The following CACNG2 variants were observed in gnomAD, a reference collection of about 807,000 sequenced individuals.
The protein encoded by CACNG2 is voltage-dependent calcium channel gamma-2 subunit.
Under a neutral mutation model 25.9 loss-of-function variants are expected in CACNG2, and 3 were observed. That is an observed-to-expected ratio of 0.12 (90% CI 0.05 to 0.30). CACNG2 has a LOEUF of 0.30. CACNG2 is among the 10% of genes least tolerant of loss of function. CACNG2 has a pLI of 1.00. For missense variants in CACNG2, 341 were observed against 432.5 expected (o/e 0.79, Z 1.88); for synonymous variants, 167 against 173.3 (o/e 0.96, Z 0.29).
chr22:36,586,953 C>A (rs1935515461), intron 2 of CACNG2, among the ~76,000 whole-genome samples: 1 of 148,376 alleles, frequency 6.7e-6, no homozygotes, highest in African/African-American at 2.6e-5. Flanking sequence ...GAAAAAATCT[C>A]TCTCTTTTTT....
In CACNG2 at chr22:36,703,053, G is replaced by T. The variant is rs1372332482; in HGVS notation, c.-477C>A. On this transcript the variant is annotated 5_prime_UTR_variant, in exon 1 of 4. Coordinates refer to ENST00000300105, the MANE Select transcript of CACNG2 (RefSeq NM_006078.5). The stretch of plus-strand genomic sequence containing the variant: ...GACAGTTAGAGACTGTGAGAGCCGA[G>T]ATGCAACCTTCGGTCTTCGTTCTCG... The T allele has an allele frequency of 6.3e-6, 1 of 157,654 alleles. No individual in the cohort carries two copies. The highest frequency in any genetic ancestry group is 2.4e-5 in the African/African-American group (1 of 41,460). 9.8% of individuals were successfully genotyped at this position (157,654 alleles called of 1,614,324 possible).
At chr22:36,692,795 G>T in intron 1 of CACNG2, among the ~76,000 whole-genome samples, 1 of 152,148 alleles carries the variant, frequency 6.6e-6, no homozygotes, top group South Asian at 2.1e-4. Flanking sequence ...GGGGCTTCCA[G>T]TCTTACAGGG....
intron 1 of CACNG2, among the ~76,000 whole-genome samples, chr22:36,610,636 G>A (rs1336071928): frequency 2.6e-5 from 4 of 152,192 alleles, no homozygotes; most frequent in Admixed American, 2.6e-4. Flanking sequence ...GACCCCCAAA[G>A]CCAGCCTGTC....
At chr22:36,587,860 G>A (rs1210245921) in intron 1 of CACNG2, among the ~76,000 whole-genome samples, 3 of 152,214 alleles carry the variant, frequency 2.0e-5, no homozygotes, top group Non-Finnish European at 4.4e-5. Flanking sequence ...GGACTGCCAC[G>A]CAGGAGGCCG....
At chr22:36,625,762 T>C (rs1936174820) in intron 1 of CACNG2, among the ~76,000 whole-genome samples, 1 of 152,228 alleles carries the variant, frequency 6.6e-6, no homozygotes, top group African/African-American at 2.4e-5. Context: ...TTTGACTGTA[T>C]GTGCTTTTCT....
At chr22:36,640,715 T>A (rs1405582696) in intron 1 of CACNG2, among the ~76,000 whole-genome samples, 1 of 152,226 alleles carries the variant, frequency 6.6e-6, no homozygotes, top group African/African-American at 2.4e-5. Flanking sequence ...TCCGCGCTTG[T>A]TCCTGTGCAG....
chr22:36,667,494 G>A (rs556971114), intron 1 of CACNG2, among the ~76,000 whole-genome samples: 3 of 152,260 alleles, frequency 2.0e-5, no homozygotes, highest in South Asian at 2.1e-4. Flanking sequence ...ACTTTGCACC[G>A]AACCTCAGTG....
chr22:36,565,099 C>A (rs1274211050), intron 3 of CACNG2, among the ~76,000 whole-genome samples: 2 of 152,162 alleles, frequency 1.3e-5, no homozygotes, highest in Non-Finnish European at 2.9e-5. Context: ...ACAAGGGAAG[C>A]GCTAATGGAA....
At chr22:36,599,575 C>A (rs1439006793) in intron 1 of CACNG2, among the ~76,000 whole-genome samples, 1 of 152,112 alleles carries the variant, frequency 6.6e-6, no homozygotes, top group Non-Finnish European at 1.5e-5. Flanking sequence ...TGGTGCACAC[C>A]TGTAGTCCCA....
At chr22:36,571,606 G>A (rs1469892566) in intron 2 of CACNG2, among the ~76,000 whole-genome samples, 1 of 152,014 alleles carries the variant, frequency 6.6e-6, no homozygotes, top group African/African-American at 2.4e-5. Flanking sequence ...GCTGGGCTCG[G>A]TGGCTCACAC....
intron 2 of CACNG2, among the ~76,000 whole-genome samples, chr22:36,580,400 A>C (rs1369463659): frequency 6.6e-6 from 1 of 151,994 alleles, no homozygotes; most frequent in Non-Finnish European, 1.5e-5. Flanking sequence ...GGAGGTGTCA[A>C]ATTTAAGCGC....
At chr22:36,622,873 C>T (rs1936126178) in intron 1 of CACNG2, among the ~76,000 whole-genome samples, 4 of 151,260 alleles carry the variant, frequency 2.6e-5, no homozygotes, top group Admixed American at 2.0e-4. Flanking sequence ...GCACGAGAAT[C>T]GCTTGAACCC....
At chr22:36,578,808 C>T (rs777062608) in intron 2 of CACNG2, among the ~76,000 whole-genome samples, 21 of 152,180 alleles carry the variant, frequency 1.4e-4, no homozygotes, top group Non-Finnish European at 2.9e-4. Context: ...GCAAACCTCT[C>T]CTGGGTCTGA....
intron 1 of CACNG2, among the ~76,000 whole-genome samples, chr22:36,641,799 A>T (rs1936445976): frequency 6.6e-6 from 1 of 152,206 alleles, no homozygotes; most frequent in Non-Finnish European, 1.5e-5. Context: ...TGTCAACTTG[A>T]GGGTTGCCGA....
At chr22:36,576,564 CTG>C (rs34970467) in intron 2 of CACNG2, among the ~76,000 whole-genome samples, 50,467 of 150,734 alleles carry the variant, frequency 0.33, 8,600 homozygotes, top group Non-Finnish European at 0.36. Flanking sequence ...CAAAATGCCT[CTG>C]TGTGTGCGTG....
chr22:36,607,050 A>G (rs145355142), intron 1 of CACNG2, among the ~76,000 whole-genome samples: 28 of 151,592 alleles, frequency 1.8e-4, no homozygotes, highest in African/African-American at 6.1e-4. Flanking sequence ...AGCAATGGGG[A>G]GCCACTGAGG....
At chr22:36,602,325 T>A (rs1237623860) in intron 1 of CACNG2, among the ~76,000 whole-genome samples, 2 of 152,042 alleles carry the variant, frequency 1.3e-5, no homozygotes, top group East Asian at 3.8e-4. Flanking sequence ...TGCCCTTTCA[T>A]TTTGTTGTTT....
At chr22:36,569,022 A>G (rs1935179371) in intron 2 of CACNG2, among the ~76,000 whole-genome samples, 1 of 151,882 alleles carries the variant, frequency 6.6e-6, no homozygotes, top group South Asian at 2.1e-4. Context: ...CCCTAACCTG[A>G]TCCCCCAGCC....
chr22:36,688,471 T>C (rs762711590), intron 1 of CACNG2, among the ~76,000 whole-genome samples: 20 of 150,424 alleles, frequency 1.3e-4, no homozygotes, highest in Non-Finnish European at 2.2e-4. Flanking sequence ...ACCCAACAGT[T>C]TGAGGCTGCA....
Sources: gnomAD v4.1 joint callset for allele counts (sites outside exome capture counted in the v4.1 genomes callset) on GRCh38, gnomAD v4.1.1 for gene constraint, MANE v1.5 for transcripts, NCBI Gene and HGNC (gene_info 2026-07-23, HGNC 2026-07-21) for gene names.